The following MYO16 variants were observed in gnomAD, a reference collection of about 807,000 sequenced individuals.
MYO16 encodes unconventional myosin-XVI.
MYO16 carries 94 observed loss-of-function variants against 205.3 expected under a neutral mutation model. The observed-to-expected ratio is 0.46, with a 90% CI of 0.39 to 0.54. MYO16 has a LOEUF of 0.54. Ranked by LOEUF, MYO16 falls within the 20% of genes least tolerant of loss-of-function variation. The pLI is 0.00. For synonymous variants in MYO16, 988 were observed against 954.0 expected (o/e 1.04, Z -0.66); for missense variants, 2,315 against 2,387.5 (o/e 0.97, Z 0.63).
chr13:108,981,179 C>G (rs1044470545), intron 20 of MYO16, among the ~76,000 whole-genome samples: 2 of 152,146 alleles, frequency 1.3e-5, no homozygotes, highest in African/African-American at 4.8e-5. Flanking sequence ...TGGACATGCC[C>G]CGCAGGCGAG....
intron 2 of MYO16, among the ~76,000 whole-genome samples, chr13:108,703,551 T>C (rs1883388557): frequency 6.6e-6 from 1 of 152,112 alleles, no homozygotes; most frequent in South Asian, 2.1e-4. Flanking sequence ...TGAACAACCA[T>C]ATACAGCAGA....
chr13:108,558,979 T>C, the MYO16 span, among the ~76,000 whole-genome samples: 2 of 132,768 alleles, frequency 1.5e-5, no homozygotes, highest in Non-Finnish European at 3.2e-5. Flanking sequence ...GCTGATGAGA[T>C]GTTGATTTTT....
chr13:108,549,174 G>T, the MYO16 span, among the ~76,000 whole-genome samples: 1 of 152,176 alleles, frequency 6.6e-6, no homozygotes, highest in South Asian at 2.1e-4. Flanking sequence ...CATTGCAAAG[G>T]TGACTTTGCA....
intron 6 of MYO16, among the ~76,000 whole-genome samples, chr13:108,801,331 A>T (rs7321597): frequency 0.65 from 98,595 of 152,120 alleles, 33,448 homozygotes; most frequent in East Asian, 0.77. Flanking sequence ...GTCTGTGCAA[A>T]TACATTCTTT....
At chr13:108,851,269 A>G (rs1199289592) in intron 10 of MYO16, among the ~76,000 whole-genome samples, 1 of 152,154 alleles carries the variant, frequency 6.6e-6, no homozygotes, top group East Asian at 1.9e-4. Flanking sequence ...ATGCATATGG[A>G]TTAATTTTTG....
intron 1 of MYO16, among the ~76,000 whole-genome samples, chr13:108,605,893 G>C (rs1013339030): frequency 1.3e-5 from 2 of 152,186 alleles, no homozygotes; most frequent in African/African-American, 4.8e-5. Flanking sequence ...ATGTGGAAAA[G>C]TTTGGAACTT....
At chr13:108,679,603 A>G (rs1882373378) in intron 2 of MYO16, among the ~76,000 whole-genome samples, 1 of 151,646 alleles carries the variant, frequency 6.6e-6, no homozygotes, top group Non-Finnish European at 1.5e-5. Context: ...CATCTGGTTT[A>G]TTGCAACTGC....
At chr13:109,074,144 A>C (rs11842019) in intron 27 of MYO16, among the ~76,000 whole-genome samples, 3,873 of 152,244 alleles carry the variant, frequency 0.025, 154 homozygotes, top group African/African-American at 0.087. Flanking sequence ...ACCTACCTTC[A>C]CCTTGTTTTT....
chr13:108,572,631 C>A, the MYO16 span, among the ~76,000 whole-genome samples: 31 of 152,268 alleles, frequency 2.0e-4, no homozygotes, highest in African/African-American at 7.5e-4. Context: ...GTCCTTCCCT[C>A]TCCATTTTAA....
At chr13:109,126,791 A>C (rs1173393892) in intron 30 of MYO16, among the ~76,000 whole-genome samples, 2 of 152,140 alleles carry the variant, frequency 1.3e-5, no homozygotes, top group Non-Finnish European at 2.9e-5. Context: ...AGAACACTGA[A>C]ATGTAAATTT....
At chr13:109,009,070 G>A in intron 22 of MYO16, 21 bp downstream of exon 22, 1 of 1,551,398 alleles carries the variant, frequency 6.4e-7, no homozygotes, top group Admixed American at 2.1e-5. Flanking sequence ...AATATAATTA[G>A]ATACTTAACA....
chr13:108,971,372 T>TATATATATATAC (rs1566439123), intron 20 of MYO16, among the ~76,000 whole-genome samples: 3 of 126,786 alleles, frequency 2.4e-5, no homozygotes, highest in African/African-American at 8.1e-5. Context: ...TATATATATA[T>TATATATATATAC]ATACACATAT....
chr13:109,077,550 G>C (rs780593269), intron 27 of MYO16, among the ~76,000 whole-genome samples: 1 of 152,142 alleles, frequency 6.6e-6, no homozygotes, highest in Admixed American at 6.5e-5. Context: ...ACACTCTCAC[G>C]TCATTTGTGG....
At chr13:108,628,794 A>G (rs1273556190), upstream of MYO16, among the ~76,000 whole-genome samples, 2 of 152,178 alleles carry the variant, frequency 1.3e-5, no homozygotes, top group Non-Finnish European at 2.9e-5. Flanking sequence ...CATATTGTTC[A>G]TGTTTACCTT....
At chr13:108,862,528 T>C (rs1335048163) in intron 11 of MYO16, among the ~76,000 whole-genome samples, 2 of 152,170 alleles carry the variant, frequency 1.3e-5, no homozygotes. Flanking sequence ...ACCTTTGTCC[T>C]AAACAGGTGA....
Position 109,125,437 on chromosome 13 carries a change from T to C in MYO16, c.3782+79T>C. On this transcript the variant is annotated intron_variant, in intron 30 of 34. Coordinates refer to ENST00000457511, the MANE Select transcript of MYO16 (RefSeq NM_001198950.3). This position sits in a 1 kb window ranked among gnomAD's most constrained non-coding sequence, Gnocchi z 4.0. ...TCATGAAAATTCAAATAGCCCTTAA[T>C]GCAGAGTTCAATCAAATATGACAGG... 3 of 1,551,102 alleles carry C rather than the reference T, an allele frequency of 1.9e-6. No individual in the cohort carries two copies. The highest frequency in any genetic ancestry group is 2.7e-5 in the African/African-American group (2 of 72,976).
the MYO16 span, among the ~76,000 whole-genome samples, chr13:108,496,870 T>C: frequency 6.6e-6 from 1 of 151,374 alleles, no homozygotes; most frequent in African/African-American, 2.4e-5. Flanking sequence ...CTGCTCTGAA[T>C]TGGCCAGAGG....
chr13:109,196,381 G>GA (rs1880154466), intron 34 of MYO16, among the ~76,000 whole-genome samples: 1 of 152,140 alleles, frequency 6.6e-6, no homozygotes, highest in Admixed American at 6.6e-5. Context: ...TCTTCTTGTT[G>GA]AAAACCTAAT....
At chr13:109,063,265 T>C (rs1887645580) in intron 27 of MYO16, among the ~76,000 whole-genome samples, 1 of 152,188 alleles carries the variant, frequency 6.6e-6, no homozygotes, top group African/African-American at 2.4e-5. Context: ...TGATTAAATA[T>C]AGAAAAGTAT....
Sources: allele counts gnomAD v4.1 joint callset (sites outside exome capture counted in the v4.1 genomes callset), GRCh38; gene constraint gnomAD v4.1.1; non-coding constraint Gnocchi (gnomAD v3.1); transcripts MANE v1.5; gene names NCBI Gene and HGNC (gene_info 2026-07-23, HGNC 2026-07-21).